CSRNP3: variants seen among roughly 807,000 people sequenced by gnomAD.
CSRNP3 encodes cysteine/serine-rich nuclear protein 3.
A neutral mutation model predicts 48.0 loss-of-function variants in CSRNP3; 12 were observed. The ratio of observed to expected loss-of-function variants is 0.25; its 90% CI spans 0.16 to 0.41. The LOEUF is 0.41. CSRNP3 is among the 10% of genes least tolerant of loss of function. The pLI is 1.00. For missense variants in CSRNP3, 580 were observed against 724.4 expected (o/e 0.80, Z 2.29); for synonymous variants, 263 against 269.7 (o/e 0.98, Z 0.24).
At chr2:165,656,748 C>A (rs539342783) in intron 4 of CSRNP3, among the ~76,000 whole-genome samples, 18 of 152,104 alleles carry the variant, frequency 1.2e-4, no homozygotes, top group Non-Finnish European at 2.4e-4. Flanking sequence ...GTTTTTATTG[C>A]TTTTTGAAAT....
At chr2:165,611,780 C>T (rs536463077) in intron 4 of CSRNP3, among the ~76,000 whole-genome samples, 3 of 152,032 alleles carry the variant, frequency 2.0e-5, no homozygotes, top group African/African-American at 7.2e-5. Context: ...AGATTCAAAC[C>T]CAGACCAGTC....
intron 3 of CSRNP3, among the ~76,000 whole-genome samples, chr2:165,535,993 A>T (rs940324927): frequency 2.6e-5 from 4 of 151,876 alleles, no homozygotes; most frequent in African/African-American, 9.7e-5. Flanking sequence ...AAAGTTTGCA[A>T]GTAAAATCAG....
intron 4 of CSRNP3, among the ~76,000 whole-genome samples, chr2:165,614,254 C>T (rs1008928950): frequency 6.6e-6 from 1 of 152,040 alleles, no homozygotes; most frequent in African/African-American, 2.4e-5. Context: ...AGTATAGAAA[C>T]ACTACTGATA....
chr2:165,612,678 T>C (rs143403521), intron 4 of CSRNP3, among the ~76,000 whole-genome samples: 160 of 152,016 alleles, frequency 1.1e-3, no homozygotes, highest in African/African-American at 3.8e-3. Context: ...ACATGAGTGG[T>C]ATTTGTCTTC....
intron 3 of CSRNP3, among the ~76,000 whole-genome samples, chr2:165,589,304 T>C (rs1685680241): frequency 6.6e-6 from 1 of 152,184 alleles, no homozygotes; most frequent in Non-Finnish European, 1.5e-5. Flanking sequence ...TTAACACTCC[T>C]CTATTAAGTC....
intron 4 of CSRNP3, among the ~76,000 whole-genome samples, chr2:165,648,069 G>A (rs1024148853): frequency 5.9e-5 from 9 of 152,144 alleles, no homozygotes; most frequent in African/African-American, 1.9e-4. Context: ...CATTAATATT[G>A]CATTGTGTTT....
intron 3 of CSRNP3, among the ~76,000 whole-genome samples, chr2:165,518,481 A>G (rs1684609290): frequency 6.6e-6 from 1 of 152,002 alleles, no homozygotes. Flanking sequence ...ATATGAAGGA[A>G]CAGGAGGATC....
intron 4 of CSRNP3, among the ~76,000 whole-genome samples, chr2:165,621,925 G>T (rs900767596): frequency 2.0e-5 from 3 of 152,062 alleles, no homozygotes; most frequent in African/African-American, 7.2e-5. Context: ...GTTCTTTAGA[G>T]CATTCAGCTT....
chr2:165,504,182 A>G (rs1005923753), intron 2 of CSRNP3, among the ~76,000 whole-genome samples: 4 of 152,060 alleles, frequency 2.6e-5, no homozygotes, highest in Admixed American at 6.6e-5. Context: ...CATTTTAAAA[A>G]TACATTTCAA....
chr2:165,687,816 C>A lies in CSRNP3; in HGVS notation c.*8063C>A, dbSNP rs1379231922. 1 of 152,032 alleles carries A rather than the reference C, an allele frequency of 6.6e-6. No homozygotes were observed. Among genetic ancestry groups the A allele is most frequent in the South Asian group, 2.1e-4 (1 of 4,828 alleles). 9.4% of individuals were successfully genotyped at this position (152,032 alleles called of 1,614,324 possible). On this transcript the variant is annotated 3_prime_UTR_variant, in exon 7 of 7. Coordinates refer to ENST00000651982, the MANE Select transcript of CSRNP3 (RefSeq NM_001172173.2). ...CACTTGATTCAAGCACTCCCTGGAGCTTTCAAAGCCTTTTTTATCTGCTCA... is the reference window on the plus strand; with the variant it reads ...CACTTGATTCAAGCACTCCCTGGAGATTTCAAAGCCTTTTTTATCTGCTCA...
Position 165,585,386 on chromosome 2 carries a change from A to G in CSRNP3, c.-23-9657A>G, listed in dbSNP as rs551525466. On this transcript the variant is annotated intron_variant, in intron 3 of 6. Transcript: ENST00000651982. ...GCCAGCTAAGCTCTTCCGACCTGCTATCACAGATGAGCCACTCACAGGTAT... is the reference window on the plus strand; with the variant it reads ...GCCAGCTAAGCTCTTCCGACCTGCTGTCACAGATGAGCCACTCACAGGTAT... Among the ~76,000 whole-genome samples the G allele has an allele frequency of 8.5e-5, 13 of 152,310 alleles. 1 individual carries two copies. In the South Asian group the frequency reaches 2.5e-3, roughly 29 times the overall value.
intron 4 of CSRNP3, among the ~76,000 whole-genome samples, chr2:165,650,723 G>A (rs1214316409): frequency 6.6e-6 from 1 of 151,886 alleles, no homozygotes; most frequent in African/African-American, 2.4e-5. Context: ...CATTGCCCAG[G>A]GCTTACCAAG....
intron 4 of CSRNP3, among the ~76,000 whole-genome samples, chr2:165,621,095 T>C (rs1032368601): frequency 2.6e-5 from 4 of 152,106 alleles, no homozygotes; most frequent in African/African-American, 9.7e-5. Context: ...CATAAATATA[T>C]GATCACATTA....
chr2:165,528,715 T>C (rs1185482838), intron 3 of CSRNP3, among the ~76,000 whole-genome samples: 1 of 152,200 alleles, frequency 6.6e-6, no homozygotes, highest in Non-Finnish European at 1.5e-5. Context: ...TACCATACTG[T>C]TTTTACTATT....
At chr2:165,545,022 A>G (rs1203945837) in intron 3 of CSRNP3, among the ~76,000 whole-genome samples, 1 of 152,174 alleles carries the variant, frequency 6.6e-6, no homozygotes, top group Non-Finnish European at 1.5e-5. Context: ...ATGGGCCACA[A>G]ATAAAGAGTG....
chr2:165,638,117 G>A (rs1686662214), intron 4 of CSRNP3, among the ~76,000 whole-genome samples: 1 of 152,106 alleles, frequency 6.6e-6, no homozygotes, highest in Non-Finnish European at 1.5e-5. Context: ...TAGGTGTTTT[G>A]TCAATATTTC....
intron 5 of CSRNP3, among the ~76,000 whole-genome samples, chr2:165,658,814 T>C (rs6735111): frequency 0.71 from 108,408 of 151,912 alleles, 39,138 homozygotes; most frequent in South Asian, 0.8. Flanking sequence ...ATGGGGGAAC[T>C]GCACCCATGA....
At chr2:165,625,500 G>A (rs915287721) in intron 4 of CSRNP3, among the ~76,000 whole-genome samples, 2 of 151,462 alleles carry the variant, frequency 1.3e-5, no homozygotes, top group African/African-American at 4.9e-5. Context: ...TGAGCGTGGC[G>A]GCAGGTGCTT....
chr2:165,533,699 C>CT, intron 3 of CSRNP3, among the ~76,000 whole-genome samples: 1 of 152,096 alleles, frequency 6.6e-6, no homozygotes, highest in Admixed American at 6.6e-5. Context: ...AATGATATTT[C>CT]TTTTTTTCTA....
Sources: allele counts gnomAD v4.1 joint callset (sites outside exome capture counted in the v4.1 genomes callset), GRCh38; gene constraint gnomAD v4.1.1; transcripts MANE v1.5; gene names NCBI Gene and HGNC (gene_info 2026-07-23, HGNC 2026-07-21).